The following KCMF1 variants were observed in gnomAD, a reference collection of about 807,000 sequenced individuals.
KCMF1 encodes the protein potassium channel modulatory factor 1.
A neutral mutation model predicts 41.1 loss-of-function variants in KCMF1; 3 were observed. That is an observed-to-expected ratio of 0.07 (90% CI 0.03 to 0.19). The LOEUF is 0.19. Ranked by LOEUF, KCMF1 falls within the 10% of genes least tolerant of loss-of-function variation. The pLI, the probability that KCMF1 is intolerant of heterozygous loss-of-function variation, is 1.00. For missense variants in KCMF1, 286 were observed against 488.9 expected, an observed-to-expected ratio of 0.58 and a Z score of 3.91; for synonymous variants, 142 against 164.5, an observed-to-expected ratio of 0.86 and a Z score of 1.04.
intron 4 of KCMF1, among the ~76,000 whole-genome samples, chr2:85,044,193 C>G (rs1381931161): frequency 6.6e-6 from 1 of 152,046 alleles, no homozygotes; most frequent in Non-Finnish European, 1.5e-5. Flanking sequence ...CCTCTCTGTT[C>G]CTCTGCTGCC....
chr2:84,974,636 G>T (rs1673485407), intron 1 of KCMF1, among the ~76,000 whole-genome samples: 1 of 112,124 alleles, frequency 8.9e-6, no homozygotes, highest in Admixed American at 1.1e-4. Context: ...AACTTTATTT[G>T]TGGACACTGA....
chr2:85,023,380 G>A (rs1297924029), intron 1 of KCMF1, among the ~76,000 whole-genome samples: 1 of 137,268 alleles, frequency 7.3e-6, no homozygotes, highest in African/African-American at 2.7e-5. Flanking sequence ...GTGCAGTGGC[G>A]CGATCTCAGC....
chr2:85,033,704 C>A (rs1395059661), intron 2 of KCMF1, among the ~76,000 whole-genome samples: 1 of 152,168 alleles, frequency 6.6e-6, no homozygotes, highest in Non-Finnish European at 1.5e-5. Context: ...AAAGACACCA[C>A]CTTCCAACAC....
chr2:85,009,708 A>T (rs1280252039), intron 1 of KCMF1, among the ~76,000 whole-genome samples: 1 of 151,704 alleles, frequency 6.6e-6, no homozygotes, highest in African/African-American at 2.4e-5. Flanking sequence ...TACTTACTTA[A>T]TCCCTCTGTT....
At chr2:84,987,152 GAGCAAGGT>G in intron 1 of KCMF1, among the ~76,000 whole-genome samples, 1 of 152,218 alleles carries the variant, frequency 6.6e-6, no homozygotes, top group East Asian at 1.9e-4. Context: ...ATGAAGGTGG[GAGCAAGGT>G]AGATAAGTGA....
At chr2:84,986,968 A>G (rs1023917091) in intron 1 of KCMF1, among the ~76,000 whole-genome samples, 3 of 152,200 alleles carry the variant, frequency 2.0e-5, no homozygotes, top group South Asian at 4.1e-4. Flanking sequence ...CTTGGGTTCA[A>G]TGCTAGTAGT....
intron 5 of KCMF1, 73 bp downstream of exon 5, chr2:85,046,351 C>A: frequency 1.7e-6 from 2 of 1,208,576 alleles, no homozygotes; most frequent in Non-Finnish European, 2.4e-6. Context: ...TTTGTGATGC[C>A]AGGTGCGGTG....
chr2:85,018,585 TA>T (rs1674847252), intron 1 of KCMF1, among the ~76,000 whole-genome samples: 1 of 151,972 alleles, frequency 6.6e-6, no homozygotes, highest in African/African-American at 2.4e-5. Context: ...TAAGCTAGAT[TA>T]TTCAGTGATG....
intron 1 of KCMF1, among the ~76,000 whole-genome samples, chr2:85,009,112 T>C (rs954007700): frequency 6.6e-6 from 1 of 152,142 alleles, no homozygotes; most frequent in Non-Finnish European, 1.5e-5. Flanking sequence ...AATCCTCATA[T>C]GTCAGTGGGA....
intron 1 of KCMF1, among the ~76,000 whole-genome samples, chr2:85,001,886 A>G (rs1293311135): frequency 6.6e-6 from 1 of 152,188 alleles, no homozygotes; most frequent in African/African-American, 2.4e-5. Context: ...CTATATGGAT[A>G]GCTTGTTGTT....
chr2:85,015,441 G>A lies in KCMF1; in HGVS notation c.17-12448G>A, dbSNP rs563031344. On this transcript the variant is annotated intron_variant, in intron 1 of 6. Transcript: ENST00000409785. ...CCTCTATTTCCAGATAAGAGGCTCT[G>A]AAAGGCTGTTCCTAAGCTCACTCAT... Among the ~76,000 whole-genome samples, 26 of 152,288 alleles carry A rather than the reference G, an allele frequency of 1.7e-4. No individual in the cohort carries two copies. The South Asian group carries it at 3.3e-3, about 19-fold the overall frequency.
intron 1 of KCMF1, among the ~76,000 whole-genome samples, chr2:85,003,466 A>G (rs971331124): frequency 5.9e-5 from 9 of 151,774 alleles, no homozygotes; most frequent in Non-Finnish European, 1.2e-4. Flanking sequence ...CGACAGAGTG[A>G]GACTCCGTCT....
chr2:85,024,583 A>AGAGTGTGTGT (rs1219534094), intron 1 of KCMF1, among the ~76,000 whole-genome samples: 1 of 124,220 alleles, frequency 8.1e-6, no homozygotes, highest in African/African-American at 3.0e-5. Context: ...AGAGAGAGAG[A>AGAGTGTGTGT]GTGTGTGTGT....
chr2:85,025,286 G>C (rs1325321356), intron 1 of KCMF1, among the ~76,000 whole-genome samples: 1 of 152,180 alleles, frequency 6.6e-6, no homozygotes, highest in African/African-American at 2.4e-5. Context: ...ATAAAGGGCT[G>C]CCTATCTTTG....
rs191289335 is a variant in KCMF1, at chr2:85,026,129, T to A, written c.17-1760T>A. Among the ~76,000 whole-genome samples the A allele has an allele frequency of 8.7e-3, 1,327 of 152,090 alleles. 57 individuals are homozygous for A. The highest frequency in any genetic ancestry group is 0.072 in the Admixed American group (1,103 of 15,250). Reference sequence around the variant, plus strand: ...CTTCAGCCTCCCAAGTAGCTGAGATTACAGGCGCCCACCACCACGCCCGGC... The same window carrying A: ...CTTCAGCCTCCCAAGTAGCTGAGATAACAGGCGCCCACCACCACGCCCGGC... On this transcript the variant is annotated intron_variant, in intron 1 of 6. Coordinates refer to ENST00000409785, the MANE Select transcript of KCMF1 (RefSeq NM_020122.5).
At position 84,976,749 on chromosome 2, in the gene KCMF1, G is replaced by A. The variant is rs1574001122; in HGVS notation, c.16+5282G>A. 2.0e-5 allele frequency among the ~76,000 whole-genome samples: 3 copies of A among 151,896 alleles called. No individual in the cohort carries two copies. In the East Asian group the frequency reaches 5.8e-4, roughly 29 times the overall value. On this transcript the variant is annotated intron_variant, in intron 1 of 6. Coordinates refer to ENST00000409785, the MANE Select transcript of KCMF1 (RefSeq NM_020122.5). ...CATGTAAAAATGATAGTGGATAAAT[G>A]AGCAGGTGGTCATATTGTTATGCTA...
rs774959040 is a variant in KCMF1, at chr2:85,049,622, A to G, written c.858A>G (p.Leu286=). 25 of 1,613,182 alleles carry G rather than the reference A, an allele frequency of 1.5e-5. No homozygotes were observed. The highest frequency in any genetic ancestry group is 2.1e-5 in the Non-Finnish European group (25 of 1,179,322). The change falls in exon 6 of 7, where the codon CTA becomes CTG. Residue 286 remains leucine (L), a synonymous_variant. Transcript: ENST00000409785. ...ATACAGAAAGCAGTCAGCAGACTCT[A>G]CAGAATTCCCAGTTTCTTTTAACAA... is the stretch of plus-strand genomic sequence containing the variant. The part of the protein sequence containing the change: ...IANTESSQQT[L]QNSQFLLTRL...
intron 1 of KCMF1, among the ~76,000 whole-genome samples, chr2:85,008,305 AATATGAT>A (rs1464364398): frequency 1.1e-4 from 1 of 9,034 alleles, no homozygotes; most frequent in Non-Finnish European, 3.2e-4. Flanking sequence ...TATAATATAT[AATATGAT>A]ATATATATCA....
At chr2:85,008,291 T>TATATATAATATA (rs1674533223) in intron 1 of KCMF1, among the ~76,000 whole-genome samples, 1 of 14,624 alleles carries the variant, frequency 6.8e-5, no homozygotes, top group African/African-American at 1.5e-4. Flanking sequence ...TGATATATAA[T>TATATATAATATA]ATATATAATA....
Sources: gnomAD v4.1 joint callset for allele counts (sites outside exome capture counted in the v4.1 genomes callset) on GRCh38, gnomAD v4.1.1 for gene constraint, MANE v1.5 for transcripts, NCBI Gene and HGNC (gene_info 2026-07-23, HGNC 2026-07-21) for gene names.